CNTNAP5: variants seen among roughly 807,000 people sequenced by gnomAD.
CNTNAP5 encodes contactin associated protein family member 5.
CNTNAP5 carries 72 observed loss-of-function variants against 150.2 expected under a neutral mutation model. The ratio of observed to expected loss-of-function variants is 0.48; its 90% CI spans 0.40 to 0.58. CNTNAP5 has a LOEUF of 0.58. CNTNAP5 is among the 20% of genes least tolerant of loss of function. CNTNAP5 has a pLI of 0.00. For missense variants in CNTNAP5, 1,636 were observed against 1,626.2 expected (o/e 1.01, Z -0.10); for synonymous variants, 672 against 619.8 (o/e 1.08, Z -1.25).
chr2:124,904,053 C>CAAAAAA (rs74764844), intron 22 of CNTNAP5, among the ~76,000 whole-genome samples: 2 of 88,640 alleles, frequency 2.3e-5, no homozygotes, highest in African/African-American at 4.9e-5. Flanking sequence ...GACTCTGTTT[C>CAAAAAA]AAAAAAAAAA....
intron 12 of CNTNAP5, among the ~76,000 whole-genome samples, chr2:124,633,368 A>G (rs923328537): frequency 2.0e-5 from 3 of 152,208 alleles, no homozygotes; most frequent in Non-Finnish European, 4.4e-5. Context: ...TGGCCAAAAG[A>G]AAGGGGGTAC....
At chr2:124,085,220 G>A (rs991659795) in intron 1 of CNTNAP5, among the ~76,000 whole-genome samples, 1 of 151,864 alleles carries the variant, frequency 6.6e-6, no homozygotes, top group South Asian at 2.1e-4. Flanking sequence ...ACGTCTGGCC[G>A]AATTCAAGTT....
chr2:124,547,268 G>A (rs138654841), intron 10 of CNTNAP5, among the ~76,000 whole-genome samples: 12 of 152,176 alleles, frequency 7.9e-5, no homozygotes, highest in South Asian at 2.1e-4. Flanking sequence ...AGTAAGCCCC[G>A]CAAGGAAAAA....
chr2:124,025,809 G>A (rs1304524034), intron 1 of CNTNAP5, 77 bp downstream of exon 1: 10 of 1,169,746 alleles, frequency 8.5e-6, no homozygotes, highest in African/African-American at 1.5e-5. Flanking sequence ...CTATCTAAGC[G>A]TACTCGATTG....
intron 3 of CNTNAP5, among the ~76,000 whole-genome samples, chr2:124,275,560 C>T (rs1573884500): frequency 6.8e-6 from 1 of 147,994 alleles, no homozygotes. Flanking sequence ...CATCTTCTGG[C>T]TGTTGATGCC....
chr2:124,514,629 C>T (rs1573427767), intron 8 of CNTNAP5, among the ~76,000 whole-genome samples: 1 of 152,238 alleles, frequency 6.6e-6, no homozygotes, highest in East Asian at 1.9e-4. Context: ...AATAATAGAA[C>T]ATGTGCCTGG....
At chr2:124,638,203 AC>A (rs1678012641) in intron 12 of CNTNAP5, among the ~76,000 whole-genome samples, 1 of 42,612 alleles carries the variant, frequency 2.3e-5, no homozygotes, top group Non-Finnish European at 9.5e-5. Flanking sequence ...TATATATAAT[AC>A]ATATATATGA....
intron 13 of CNTNAP5, among the ~76,000 whole-genome samples, chr2:124,674,787 C>A (rs187402299): frequency 4.6e-5 from 7 of 150,936 alleles, no homozygotes; most frequent in South Asian, 2.1e-4. Flanking sequence ...TTATTTGTAA[C>A]CTTTTCAAGT....
chr2:124,878,541 T>C (rs1677904740), intron 21 of CNTNAP5, among the ~76,000 whole-genome samples: 1 of 152,106 alleles, frequency 6.6e-6, no homozygotes, highest in Non-Finnish European at 1.5e-5. Context: ...AAAGGTATCC[T>C]AGTCTTTATG....
At chr2:124,626,355 G>A (rs1384938674) in intron 12 of CNTNAP5, among the ~76,000 whole-genome samples, 1 of 152,120 alleles carries the variant, frequency 6.6e-6, no homozygotes, top group African/African-American at 2.4e-5. Flanking sequence ...GGTGATTACT[G>A]CATTTCCAAC....
At chr2:124,853,669 A>G (rs1403158652) in intron 19 of CNTNAP5, among the ~76,000 whole-genome samples, 1 of 151,914 alleles carries the variant, frequency 6.6e-6, no homozygotes, top group Non-Finnish European at 1.5e-5. Context: ...TTTAACTTTT[A>G]TTTTAGATTC....
At chr2:124,311,926 T>C (rs529005829) in intron 3 of CNTNAP5, among the ~76,000 whole-genome samples, 30 of 152,312 alleles carry the variant, frequency 2.0e-4, no homozygotes, top group East Asian at 3.9e-4. Context: ...TGGCTCATGG[T>C]ACTGCAGGGT....
At chr2:124,857,597 G>A (rs944524447) in intron 19 of CNTNAP5, among the ~76,000 whole-genome samples, 12 of 151,878 alleles carry the variant, frequency 7.9e-5, no homozygotes, top group Admixed American at 1.3e-4. Context: ...AGGCCGAGGC[G>A]GGTGGATCAA....
chr2:124,546,841 G>A (rs537470365), intron 10 of CNTNAP5, among the ~76,000 whole-genome samples: 2 of 152,110 alleles, frequency 1.3e-5, no homozygotes, highest in South Asian at 2.1e-4. Context: ...CACTTGACTT[G>A]TGAGCCTCCC....
chr2:124,695,073 T>C (rs1310394795), intron 13 of CNTNAP5, among the ~76,000 whole-genome samples: 1 of 152,004 alleles, frequency 6.6e-6, no homozygotes, highest in African/African-American at 2.4e-5. Context: ...AAATCTATAT[T>C]ACTAGTATTT....
At chr2:124,697,434 G>A (rs1679427381) in intron 13 of CNTNAP5, among the ~76,000 whole-genome samples, 1 of 152,108 alleles carries the variant, frequency 6.6e-6, no homozygotes, top group Non-Finnish European at 1.5e-5. Flanking sequence ...GCTTTGAGGA[G>A]CACTGGTCAC....
At chr2:124,831,705 C>T (rs537333367) in intron 19 of CNTNAP5, among the ~76,000 whole-genome samples, 1 of 151,140 alleles carries the variant, frequency 6.6e-6, no homozygotes, top group South Asian at 2.1e-4. Flanking sequence ...AAATTTTTCT[C>T]TCAATTGAAA....
intron 7 of CNTNAP5, among the ~76,000 whole-genome samples, chr2:124,498,820 A>C (rs1694209725): frequency 6.6e-6 from 1 of 152,194 alleles, no homozygotes; most frequent in South Asian, 2.1e-4. Context: ...CCAACAACAG[A>C]ATGATTCAGA....
At chr2:124,808,586 C>CA (rs752625317) in intron 19 of CNTNAP5, among the ~76,000 whole-genome samples, 1,240 of 93,514 alleles carry the variant, frequency 0.013, 7 homozygotes, top group Middle Eastern at 0.028. Context: ...AGACTTGGTC[C>CA]AAAAAAAAAA....
Sources: gnomAD v4.1 joint callset for allele counts (sites outside exome capture counted in the v4.1 genomes callset) on GRCh38, gnomAD v4.1.1 for gene constraint, MANE v1.5 for transcripts, NCBI Gene and HGNC (gene_info 2026-07-23, HGNC 2026-07-21) for gene names.